The following EIF4G3 variants were observed in gnomAD, a reference collection of about 807,000 sequenced individuals.
The protein encoded by EIF4G3 is eukaryotic translation initiation factor 4 gamma 3.
In EIF4G3, 34 loss-of-function variants were observed where a neutral mutation model predicts 186.4. That is an observed-to-expected ratio of 0.18 (90% confidence interval 0.14 to 0.24). EIF4G3 has a LOEUF of 0.24. Ranked by LOEUF, EIF4G3 falls within the 10% of genes least tolerant of loss-of-function variation. EIF4G3 has a pLI of 1.00. For synonymous variants in EIF4G3, 673 were observed against 679.5 expected (o/e 0.99, Z 0.15); for missense variants, 1,536 against 1,948.5 (o/e 0.79, Z 3.99).
chr1:20,904,934 T>C lies in EIF4G3; in HGVS notation c.1701A>G (p.Lys567=), dbSNP rs1207595779. 4 of 1,614,020 alleles carry C rather than the reference T, an allele frequency of 2.5e-6. No homozygotes were observed. The highest frequency in any genetic ancestry group is 3.4e-6 in the Non-Finnish European group (4 of 1,179,966). The change falls in exon 15 of 37, where the codon AAA becomes AAG. Residue 567 remains lysine (K), a synonymous_variant. Coordinates refer to ENST00000602326, the MANE Select transcript of EIF4G3 (RefSeq NM_001391906.1). ...CAGTGGTTCGGGTCCGATCTTTTGG[T>C]TTCTTCCATGTCTTTGGTACAGTTA... The part of the protein sequence containing the change: ...IAITVPKTWK[K]PKDRTRTTEE...
At chr1:20,930,746 C>T (rs1193471096) in intron 14 of EIF4G3, among the ~76,000 whole-genome samples, 3 of 152,214 alleles carry the variant, frequency 2.0e-5, no homozygotes, top group Non-Finnish European at 4.4e-5. Context: ...ATCACATCTG[C>T]ACTTACTTCT....
At chr1:20,948,095 C>A (rs966654682) in intron 13 of EIF4G3, among the ~76,000 whole-genome samples, 10 of 152,258 alleles carry the variant, frequency 6.6e-5, no homozygotes, top group African/African-American at 2.2e-4. Context: ...TATTTTAAGG[C>A]CTCTTTGCAT....
At chr1:21,017,860 C>A (rs754709524) in intron 4 of EIF4G3, among the ~76,000 whole-genome samples, 14 of 151,910 alleles carry the variant, frequency 9.2e-5, no homozygotes, top group Non-Finnish European at 1.8e-4. Flanking sequence ...ATAAGGGACA[C>A]TAGATCTGTA....
At chr1:20,892,233 AATGTAC>A (rs2086319100) in intron 18 of EIF4G3, among the ~76,000 whole-genome samples, 1 of 152,240 alleles carries the variant, frequency 6.6e-6, no homozygotes, top group African/African-American at 2.4e-5. Context: ...GTTATCTGCA[AATGTAC>A]ATCAAACCCC....
chr1:20,847,017 A>G (rs1490190990), intron 29 of EIF4G3, among the ~76,000 whole-genome samples: 1 of 152,228 alleles, frequency 6.6e-6, no homozygotes, highest in Non-Finnish European at 1.5e-5. Flanking sequence ...TTAAGTCTTT[A>G]GCCTGACACA....
intron 14 of EIF4G3, among the ~76,000 whole-genome samples, chr1:20,918,699 ATCT>A (rs2094181846): frequency 9.3e-6 from 1 of 107,272 alleles, no homozygotes; most frequent in Non-Finnish European, 1.8e-5. Context: ...TCCTCCTAGT[ATCT>A]TTTTTTTTTT....
intron 6 of EIF4G3, among the ~76,000 whole-genome samples, chr1:21,000,610 A>C (rs1299476304): frequency 1.3e-5 from 2 of 152,006 alleles, no homozygotes; most frequent in Non-Finnish European, 2.9e-5. Context: ...AAAACAAAAA[A>C]CAAAAACAAA....
At chr1:20,925,722 A>G (rs1246950353) in intron 14 of EIF4G3, among the ~76,000 whole-genome samples, 1 of 152,114 alleles carries the variant, frequency 6.6e-6, no homozygotes, top group Non-Finnish European at 1.5e-5. Context: ...TTTGTAGAGA[A>G]AGGGTCTCTC....
chr1:20,879,236 C>T, intron 20 of EIF4G3, 87 bp downstream of exon 20: 6 of 1,011,288 alleles, frequency 5.9e-6, no homozygotes, highest in Non-Finnish European at 8.3e-6. Context: ...TTTATGTTGC[C>T]CCAATAACAC....
Position 20,899,952 on chromosome 1 carries a change from T to C in EIF4G3, c.1753-9A>G, listed in dbSNP as rs1431420364. On this transcript the variant is annotated splice_polypyrimidine_tract_variant and intron_variant, in intron 15 of 36. Transcript: ENST00000602326. ...TCCTCTTCAGCTTTAAGCTAAATAA[T>C]AAATGAACAAAGAGGTTACATTTTT... The C allele has an allele frequency of 1.2e-6, 2 of 1,601,492 alleles. No homozygotes were observed. Among genetic ancestry groups the C allele is most frequent in the Non-Finnish European group, 1.7e-6 (2 of 1,176,318 alleles).
chr1:21,168,104 A>G (rs965134437), intron 2 of EIF4G3: 7 of 465,834 alleles, frequency 1.5e-5, no homozygotes, highest in South Asian at 1.1e-4. Flanking sequence ...GAATAAAACT[A>G]TTCAAGAAGT....
chr1:21,125,897 AT>A (rs750886560), intron 2 of EIF4G3, among the ~76,000 whole-genome samples: 40 of 151,550 alleles, frequency 2.6e-4, no homozygotes, highest in Non-Finnish European at 4.0e-4. Context: ...ACTTATTCCT[AT>A]TTCAGGATGA....
intron 4 of EIF4G3, among the ~76,000 whole-genome samples, chr1:21,022,518 G>A (rs1266277093): frequency 6.6e-6 from 1 of 152,122 alleles, no homozygotes; most frequent in Admixed American, 6.6e-5. Context: ...GTAACACAGT[G>A]GAAATTTCTA....
chr1:21,019,425 C>T (rs1176856822), intron 4 of EIF4G3, among the ~76,000 whole-genome samples: 2 of 152,122 alleles, frequency 1.3e-5, no homozygotes, highest in Non-Finnish European at 2.9e-5. Flanking sequence ...CCACATGAAA[C>T]TCATAAATGG....
At chr1:20,880,685 C>T (rs992807117) in intron 19 of EIF4G3, among the ~76,000 whole-genome samples, 15 of 152,118 alleles carry the variant, frequency 9.9e-5, no homozygotes, top group African/African-American at 3.4e-4. Context: ...TGGGAGGCAG[C>T]GGTTGCAATG....
At chr1:20,927,718 C>A (rs1198782321) in intron 14 of EIF4G3, among the ~76,000 whole-genome samples, 1 of 152,138 alleles carries the variant, frequency 6.6e-6, no homozygotes. Flanking sequence ...AAGTTACAAA[C>A]AAAGAAACAG....
chr1:20,948,084 A>G (rs1012249820), intron 13 of EIF4G3, among the ~76,000 whole-genome samples: 4 of 152,244 alleles, frequency 2.6e-5, no homozygotes, highest in African/African-American at 7.2e-5. Flanking sequence ...CACAGAAGAT[A>G]TATTTTAAGG....
At chr1:20,809,355 C>A (rs896557262) in intron 36 of EIF4G3, among the ~76,000 whole-genome samples, 1 of 152,144 alleles carries the variant, frequency 6.6e-6, no homozygotes, top group African/African-American at 2.4e-5. Flanking sequence ...TTTCCTTTAT[C>A]TCCAAGAGCG....
chr1:20,901,051 T>C (rs1291168870), intron 15 of EIF4G3, among the ~76,000 whole-genome samples: 1 of 152,036 alleles, frequency 6.6e-6, no homozygotes, highest in Non-Finnish European at 1.5e-5. Flanking sequence ...GTTTTTAGAC[T>C]CTGTTTCTAA....
Sources: allele counts gnomAD v4.1 joint callset (sites outside exome capture counted in the v4.1 genomes callset), GRCh38; gene constraint gnomAD v4.1.1; transcripts MANE v1.5; gene names NCBI Gene and HGNC (gene_info 2026-07-23, HGNC 2026-07-21).